DNAJC27: variants seen among roughly 807,000 people sequenced by gnomAD.
DNAJC27 encodes dnaJ homolog subfamily C member 27.
In DNAJC27, 25 loss-of-function variants were observed where a neutral mutation model predicts 31.4. The ratio of observed to expected loss-of-function variants is 0.80; its 90% CI spans 0.58 to 1.11. The LOEUF (loss-of-function observed/expected upper bound fraction) is 1.11. Among genes scored for constraint, DNAJC27 ranks in the 50% most tolerant of loss-of-function variants. The pLI, the probability that DNAJC27 is intolerant of heterozygous loss-of-function variation, is 0.00. For synonymous variants in DNAJC27, 106 were observed against 112.7 expected, an observed-to-expected ratio of 0.94 and a Z score of 0.37; for missense variants, 356 against 347.3, an observed-to-expected ratio of 1.02 and a Z score of -0.20.
At chr2:24,971,173 G>A (rs1040719079) in intron 1 of DNAJC27, among the ~76,000 whole-genome samples, 3 of 152,118 alleles carry the variant, frequency 2.0e-5, no homozygotes, top group African/African-American at 7.2e-5. Flanking sequence ...CCCTCCCCAC[G>A]TACTAAAGGA....
chr2:24,946,926 T>C lies in DNAJC27; in HGVS notation c.*690A>G, dbSNP rs1452426921. ...AAAGGCCTCAGATCCAGGGACAGGATAGGCAGCAGCCAGTGTACCTAGAAT... is the reference window on the plus strand; with the variant it reads ...AAAGGCCTCAGATCCAGGGACAGGACAGGCAGCAGCCAGTGTACCTAGAAT... On this transcript the variant is annotated 3_prime_UTR_variant, in exon 7 of 7. Transcript: ENST00000264711. 2.0e-5 allele frequency: 3 copies of C among 152,258 alleles called. No homozygotes were observed. The highest frequency in any genetic ancestry group is 7.2e-5 in the African/African-American group (3 of 41,456). The allele number at this position is 152,258 out of a possible 1,614,324, so 9.4% of individuals were successfully genotyped here. A position where few individuals can be genotyped will look rare whatever the true frequency, so the allele number is the denominator to read the frequency against.
chr2:24,958,645 G>A (rs968618160), intron 3 of DNAJC27: 10 of 303,420 alleles, frequency 3.3e-5, no homozygotes, highest in Non-Finnish European at 5.5e-5. Flanking sequence ...GGGTTATTAT[G>A]ATGGTTAAAT....
intron 3 of DNAJC27, among the ~76,000 whole-genome samples, chr2:24,962,552 G>A (rs1184949221): frequency 6.6e-6 from 1 of 152,014 alleles, no homozygotes; most frequent in Admixed American, 6.6e-5. Context: ...TACTGCTCCC[G>A]GCCTGAATAA....
chr2:24,966,619 C>G (rs1472205776), intron 2 of DNAJC27, among the ~76,000 whole-genome samples: 1 of 152,080 alleles, frequency 6.6e-6, no homozygotes, highest in Admixed American at 6.6e-5. Flanking sequence ...CCACCACACC[C>G]GGCTAATTTT....
rs895844724 is a variant in DNAJC27, at chr2:24,947,056, C to G, written c.*560G>C. 2.6e-5 allele frequency: 4 copies of G among 152,344 alleles called. No individual in the cohort carries two copies. The highest frequency in any genetic ancestry group is 9.6e-5 in the African/African-American group (4 of 41,452). 9.4% of individuals were successfully genotyped at this position (152,344 alleles called of 1,614,324 possible). ...TCATAAAGGAATGCTCAATTCAGAA[C>G]TGTATCACCTCATTTTACAAACTCC... On this transcript the variant is annotated 3_prime_UTR_variant, in exon 7 of 7. Transcript: ENST00000264711.
At chr2:24,954,217 C>A (rs936183171) in intron 5 of DNAJC27, among the ~76,000 whole-genome samples, 1 of 152,134 alleles carries the variant, frequency 6.6e-6, no homozygotes, top group Non-Finnish European at 1.5e-5. Context: ...GGTGAGATCA[C>A]TCAAGGCTTA....
chr2:24,950,015 C>G (rs1573107215), intron 6 of DNAJC27, among the ~76,000 whole-genome samples: 1 of 144,172 alleles, frequency 6.9e-6, no homozygotes, highest in East Asian at 2.1e-4. Flanking sequence ...GTCAAATAAT[C>G]TTGAAAAAAA....
rs1451051512 is a variant in DNAJC27, at chr2:24,951,396, T to C, written c.687A>G (p.Ser229=). The C allele has an allele frequency of 4.3e-6, 7 of 1,611,188 alleles. No individual in the cohort carries two copies. The highest frequency in any genetic ancestry group is 5.9e-6 in the Non-Finnish European group (7 of 1,178,500). The change falls in exon 6 of 7, where the codon TCA becomes TCG. Residue 229 remains serine (S), a splice_region_variant and synonymous_variant. Transcript: ENST00000264711. ...WDMLGVKPGA[S]RDEVNKAYRK... ...ACTAAGTATCCCAGAGCGCTTACCT[T>C]GAGGCCCCAGGTTTGACTCCCAGCA...
At chr2:24,955,378 T>A (rs1665880993) in intron 5 of DNAJC27, among the ~76,000 whole-genome samples, 1 of 151,800 alleles carries the variant, frequency 6.6e-6, no homozygotes, top group Admixed American at 6.6e-5. Context: ...CATAAAAAAA[T>A]GGAAGAAAAA....
chr2:24,964,790 A>C (rs1447251473), intron 2 of DNAJC27, among the ~76,000 whole-genome samples: 1 of 151,410 alleles, frequency 6.6e-6, no homozygotes, highest in Non-Finnish European at 1.5e-5. Flanking sequence ...CTCACATCTT[A>C]GATAAATAAA....
chr2:24,967,610 G>A (rs1447884525), intron 1 of DNAJC27, among the ~76,000 whole-genome samples: 1 of 151,728 alleles, frequency 6.6e-6, no homozygotes, highest in Non-Finnish European at 1.5e-5. Context: ...TGAGGCAGGA[G>A]AATTGTGTAA....
At chr2:24,953,753 T>A (rs971644268) in intron 5 of DNAJC27, 3 of 154,312 alleles carry the variant, frequency 1.9e-5, no homozygotes, top group African/African-American at 7.2e-5. Context: ...TTCATAGATT[T>A]CTGAGGGCAC....
intron 3 of DNAJC27, among the ~76,000 whole-genome samples, chr2:24,958,324 T>C (rs1665956759): frequency 6.6e-6 from 1 of 152,098 alleles, no homozygotes; most frequent in Admixed American, 6.5e-5. Context: ...GAGTGAGCAA[T>C]TCAAAAGAAC....
Position 24,951,387 on chromosome 2 carries a change from C to T in DNAJC27, c.689+7G>A, listed in dbSNP as rs138037153. The T allele has an allele frequency of 1.0e-5, 16 of 1,607,594 alleles. No homozygotes were observed. In the African/African-American group the frequency reaches 1.3e-4, roughly 13 times the overall value. ...GCAATCAGCACTAAGTATCCCAGAG[C>T]GCTTACCTTGAGGCCCCAGGTTTGA... On this transcript the variant is annotated splice_region_variant and intron_variant, in intron 6 of 6. Transcript: ENST00000264711.
At position 24,957,036 on chromosome 2, in the gene DNAJC27, A is replaced by G. The variant is rs752856239; in HGVS notation, c.528+7T>C. 6.2e-7 allele frequency: 1 copy of G among 1,604,934 alleles called. No individual in the cohort carries two copies. The highest frequency in any genetic ancestry group is 1.1e-5 in the South Asian group (1 of 89,048). ...ACAAACCTTAAAACAACAAAATGCTAGCTTACCTGGAACATCTCATTAATG... is the reference window on the plus strand; with the variant it reads ...ACAAACCTTAAAACAACAAAATGCTGGCTTACCTGGAACATCTCATTAATG... On this transcript the variant is annotated splice_region_variant and intron_variant, in intron 5 of 6. Coordinates refer to ENST00000264711, the MANE Select transcript of DNAJC27 (RefSeq NM_016544.3).
At chr2:24,968,006 G>A (rs1666233426) in intron 1 of DNAJC27, among the ~76,000 whole-genome samples, 1 of 146,864 alleles carries the variant, frequency 6.8e-6, no homozygotes, top group Non-Finnish European at 1.5e-5. Context: ...GAGCCACGAT[G>A]ATGCCACTGC....
rs566717855 is a variant in DNAJC27 at position 24,945,250 on chromosome 2, C to T, written c.*2366G>A. On this transcript the variant is annotated 3_prime_UTR_variant, in exon 7 of 7. Coordinates refer to ENST00000264711, the MANE Select transcript of DNAJC27 (RefSeq NM_016544.3). ...TAACTTGCTTATTTTATTCCTTTTA[C>T]GTAAATGAAGTGGTATATGGCCATT... is the stretch of plus-strand genomic sequence containing the variant. 15 of 152,224 alleles carry T rather than the reference C, an allele frequency of 9.9e-5. No individual in the cohort carries two copies. Among genetic ancestry groups the T allele is most frequent in the African/African-American group, 1.4e-4 (6 of 41,518 alleles). The allele number at this position is 152,224 out of a possible 1,614,324, so 9.4% of individuals were successfully genotyped here. A position where few individuals can be genotyped will look rare whatever the true frequency, so the allele number is the denominator to read the frequency against.
chr2:24,950,582 C>T (rs1665747561), intron 6 of DNAJC27, among the ~76,000 whole-genome samples: 1 of 151,654 alleles, frequency 6.6e-6, no homozygotes, highest in Admixed American at 6.6e-5. Flanking sequence ...TGTGGTGGCT[C>T]ACGCCCGTAA....
chr2:24,961,554 T>G (rs573776460), intron 3 of DNAJC27, among the ~76,000 whole-genome samples: 3 of 151,984 alleles, frequency 2.0e-5, no homozygotes, highest in African/African-American at 7.2e-5. Context: ...CATTCGCCAT[T>G]CTAGATGCCA....
Sources: allele counts gnomAD v4.1 joint callset (sites outside exome capture counted in the v4.1 genomes callset), GRCh38; gene constraint gnomAD v4.1.1; transcripts MANE v1.5; gene names NCBI Gene and HGNC (gene_info 2026-07-23, HGNC 2026-07-21).